The following NEK1 variants were observed in gnomAD, a reference collection of about 807,000 sequenced individuals.
The protein encoded by NEK1 is NIMA related kinase 1, also known as serine/threonine-protein kinase Nek1.
A neutral mutation model predicts 182.1 loss-of-function variants in NEK1; 137 were observed. The ratio of observed to expected loss-of-function variants is 0.75; its 90% CI spans 0.65 to 0.87. NEK1 has a LOEUF of 0.87. Among genes scored for constraint, NEK1 ranks in the 40% least tolerant of loss-of-function variants. NEK1 has a pLI of 0.00. For missense variants in NEK1, 1,391 were observed against 1,494.4 expected, an observed-to-expected ratio of 0.93 and a Z score of 1.14; for synonymous variants, 513 against 492.2, an observed-to-expected ratio of 1.04 and a Z score of -0.56.
chr4:169,456,053 CAA>C (rs1742820876), intron 27 of NEK1, among the ~76,000 whole-genome samples: 1 of 152,032 alleles, frequency 6.6e-6, no homozygotes, highest in Non-Finnish European at 1.5e-5. Context: ...ACATCAATAA[CAA>C]GAGGAATTTT....
At chr4:169,453,412 A>C (rs910487719) in intron 27 of NEK1, among the ~76,000 whole-genome samples, 3 of 152,254 alleles carry the variant, frequency 2.0e-5, no homozygotes, top group Non-Finnish European at 4.4e-5. Flanking sequence ...ACTTCAAACT[A>C]TACTACAATG....
At chr4:169,559,412 AG>A (rs2149930692) in intron 16 of NEK1, among the ~76,000 whole-genome samples, 1 of 152,316 alleles carries the variant, frequency 6.6e-6, no homozygotes, top group East Asian at 1.9e-4. Flanking sequence ...TTCTACTTAA[AG>A]GTAAGATAAA....
At chr4:169,507,221 T>C in intron 22 of NEK1, 89 bp from the exon 23 acceptor site, 1 of 803,656 alleles carries the variant, frequency 1.2e-6, no homozygotes, top group East Asian at 2.9e-5. Flanking sequence ...TATGAAGATA[T>C]TTACTTATTA....
intron 19 of NEK1, among the ~76,000 whole-genome samples, chr4:169,509,767 A>T (rs1286812642): frequency 1.3e-5 from 2 of 152,152 alleles, no homozygotes; most frequent in African/African-American, 2.4e-5. Context: ...TAGAAAATTT[A>T]TTAAAAAATA....
chr4:169,534,143 C>A (rs1164832125), intron 19 of NEK1, among the ~76,000 whole-genome samples: 1 of 152,198 alleles, frequency 6.6e-6, no homozygotes, highest in African/African-American at 2.4e-5. Context: ...GCCAAATTAT[C>A]ATTTGAGGCT....
chr4:169,465,222 T>G (rs1744700647), intron 26 of NEK1, among the ~76,000 whole-genome samples: 1 of 152,118 alleles, frequency 6.6e-6, no homozygotes, highest in Non-Finnish European at 1.5e-5. Context: ...TACAGTCATT[T>G]GATGTTTGAC....
chr4:169,541,588 G>A (rs1198505787), intron 18 of NEK1, among the ~76,000 whole-genome samples: 1 of 152,142 alleles, frequency 6.6e-6, no homozygotes, highest in Non-Finnish European at 1.5e-5. Flanking sequence ...TGCTGATTCA[G>A]TTTGAATCAT....
At chr4:169,599,905 T>G (rs2150131418) in intron 4 of NEK1, among the ~76,000 whole-genome samples, 1 of 152,186 alleles carries the variant, frequency 6.6e-6, no homozygotes, top group South Asian at 2.1e-4. Flanking sequence ...TTTTTTTTCT[T>G]TTAAGAAAAA....
chr4:169,501,769 A>G (rs1181633520), intron 23 of NEK1, among the ~76,000 whole-genome samples: 2 of 152,184 alleles, frequency 1.3e-5, no homozygotes, highest in Non-Finnish European at 2.9e-5. Context: ...AGGAAAGTTT[A>G]CAGCATTAAA....
intron 26 of NEK1, among the ~76,000 whole-genome samples, chr4:169,470,804 G>T (rs1579955539): frequency 6.6e-6 from 1 of 152,086 alleles, no homozygotes; most frequent in South Asian, 2.1e-4. Flanking sequence ...TTTCTCGAAG[G>T]GTCTGTTGTT....
At chr4:169,579,805 C>T (rs950773039) in intron 11 of NEK1, among the ~76,000 whole-genome samples, 4 of 150,370 alleles carry the variant, frequency 2.7e-5, no homozygotes, top group African/African-American at 7.3e-5. Flanking sequence ...AAAAAAAAGA[C>T]GGGCTAAATG....
intron 31 of NEK1, among the ~76,000 whole-genome samples, chr4:169,415,375 T>A (rs1734366839): frequency 1.3e-5 from 2 of 152,200 alleles, no homozygotes; most frequent in African/African-American, 4.8e-5. Context: ...AAAACTCCAG[T>A]AGAGAAATCC....
intron 29 of NEK1, among the ~76,000 whole-genome samples, chr4:169,431,268 G>A (rs1169026527): frequency 6.7e-6 from 1 of 150,052 alleles, no homozygotes; most frequent in Non-Finnish European, 1.5e-5. Context: ...TTTACCACAA[G>A]AGTATTATAC....
chr4:169,455,590 C>T lies in NEK1; in HGVS notation c.2587+7653G>A, dbSNP rs141250405. ...ATAACAGTTATAAATATATATGCAT[C>T]CAATACTGGAGTACCCATATATGTA... On this transcript the variant is annotated intron_variant, in intron 27 of 35. Transcript: ENST00000507142. 6.2e-3 allele frequency among the ~76,000 whole-genome samples: 948 copies of T among 152,206 alleles called. 15 individuals are homozygous for T. Among genetic ancestry groups the T allele is most frequent in the African/African-American group, 0.022 (912 of 41,528 alleles).
At chr4:169,555,647 T>C (rs1762055352) in intron 18 of NEK1, 73 bp downstream of exon 18, 11 of 1,560,842 alleles carry the variant, frequency 7.0e-6, no homozygotes, top group Non-Finnish European at 8.8e-7. Context: ...CCACAAAGTG[T>C]AGGTACTAAG....
At chr4:169,559,322 C>T (rs1040829100) in intron 16 of NEK1, among the ~76,000 whole-genome samples, 1 of 152,118 alleles carries the variant, frequency 6.6e-6, no homozygotes, top group Non-Finnish European at 1.5e-5. Flanking sequence ...TTTCTCTTTC[C>T]AATCAGGTAA....
In NEK1 at chr4:169,561,878, T is replaced by C; in HGVS notation, c.1094A>G (p.Lys365Arg). The part of the protein sequence containing the change: ...RRKISEEAAR[K>R]RRLEFIEKEK... Reference sequence around the variant, plus strand: ...TTTTTCAATAAATTCCAGCCTTCTCTTTCTTGCTGCTTCCTTAAATAAAAA... The same window carrying C: ...TTTTTCAATAAATTCCAGCCTTCTCCTTCTTGCTGCTTCCTTAAATAAAAA... The change falls in exon 14 of 36, where the codon AAG becomes AGG. Residue 365 changes from lysine to arginine, a missense_variant. Around this residue, in one of 5 missense-constraint regions of NEK1, gnomAD observed 1,216 missense variants for 1,277.6 expected, o/e 0.95. Coordinates refer to ENST00000507142, the MANE Select transcript of NEK1 (RefSeq NM_001199397.3). The C allele has an allele frequency of 8.1e-6, 13 of 1,605,236 alleles. No individual in the cohort carries two copies. Among genetic ancestry groups the C allele is most frequent in the Non-Finnish European group, 1.1e-5 (13 of 1,177,052 alleles).
intron 23 of NEK1, among the ~76,000 whole-genome samples, chr4:169,495,395 C>G (rs1366848824): frequency 6.6e-6 from 1 of 151,938 alleles, no homozygotes; most frequent in African/African-American, 2.4e-5. Context: ...AGGCGCGCGC[C>G]ACCATGACCA....
intron 27 of NEK1, among the ~76,000 whole-genome samples, chr4:169,455,182 T>A (rs1343016954): frequency 1.3e-5 from 2 of 151,536 alleles, no homozygotes; most frequent in Non-Finnish European, 2.9e-5. Flanking sequence ...TGTTGGGGGG[T>A]TGGGGCCTGG....
Sources: gnomAD v4.1 joint callset for allele counts (sites outside exome capture counted in the v4.1 genomes callset) on GRCh38, gnomAD v4.1.1 for gene constraint, gnomAD v4.1.1 regional missense constraint, MANE v1.5 for transcripts, NCBI Gene and HGNC (gene_info 2026-07-23, HGNC 2026-07-21) for gene names.